GRIK2: variants seen among roughly 807,000 people sequenced by gnomAD.
The protein encoded by GRIK2 is glutamate ionotropic receptor kainate type subunit 2.
Under a neutral mutation model 100.3 loss-of-function variants are expected in GRIK2, and 32 were observed. That is an observed-to-expected ratio of 0.32 (90% confidence interval 0.24 to 0.43). The LOEUF is 0.43. GRIK2 is among the 20% of genes least tolerant of loss of function. The pLI, the probability that GRIK2 is intolerant of heterozygous loss-of-function variation, is 1.00. For missense variants in GRIK2, 843 were observed against 1,114.9 expected (o/e 0.76, Z 3.47); for synonymous variants, 417 against 389.4 (o/e 1.07, Z -0.83).
At chr6:101,710,689 A>T (rs899374408) in intron 7 of GRIK2, among the ~76,000 whole-genome samples, 1 of 151,800 alleles carries the variant, frequency 6.6e-6, no homozygotes, top group Non-Finnish European at 1.5e-5. Flanking sequence ...CACTGTTTCA[A>T]TCCTACAGTT....
chr6:101,573,099 G>T (rs942101840), intron 2 of GRIK2, among the ~76,000 whole-genome samples: 2 of 151,936 alleles, frequency 1.3e-5, no homozygotes, highest in Non-Finnish European at 2.9e-5. Context: ...ACCTTCCTCG[G>T]CCTCCCAAAG....
At chr6:101,586,228 A>G (rs1377581638) in intron 2 of GRIK2, among the ~76,000 whole-genome samples, 1 of 152,046 alleles carries the variant, frequency 6.6e-6, no homozygotes, top group African/African-American at 2.4e-5. Flanking sequence ...TGAGTCTTCC[A>G]TGGAACAGAG....
chr6:101,723,687 T>C (rs1320521492), intron 7 of GRIK2, among the ~76,000 whole-genome samples: 1 of 151,982 alleles, frequency 6.6e-6, no homozygotes, highest in Non-Finnish European at 1.5e-5. Context: ...GAATAAATAG[T>C]AAGTGAAGTC....
intron 2 of GRIK2, among the ~76,000 whole-genome samples, chr6:101,444,073 G>A (rs909663701): frequency 1.5e-5 from 2 of 133,372 alleles, no homozygotes; most frequent in Non-Finnish European, 3.5e-5. Context: ...GGGTTTTTTT[G>A]TTTGTTTGTT....
At chr6:101,683,520 GACCTTTCTTTCTCTGTAAA>G (rs1043938666) in intron 6 of GRIK2, among the ~76,000 whole-genome samples, 5 of 151,984 alleles carry the variant, frequency 3.3e-5, no homozygotes, top group Admixed American at 2.0e-4. Context: ...ACATTATCCT[GACCTTTCTTTCTCTGTAAA>G]ACAGCTGTCT....
At chr6:101,943,240 A>G (rs1791066915) in intron 14 of GRIK2, among the ~76,000 whole-genome samples, 1 of 152,178 alleles carries the variant, frequency 6.6e-6, no homozygotes, top group Non-Finnish European at 1.5e-5. Context: ...GAGGTTTGGA[A>G]TCTTCACCTA....
chr6:101,517,617 T>C (rs747789788), intron 2 of GRIK2, among the ~76,000 whole-genome samples: 53 of 152,148 alleles, frequency 3.5e-4, no homozygotes, highest in Non-Finnish European at 7.2e-4. Context: ...AGAGATATAC[T>C]GTACTTTAAA....
At chr6:101,736,381 G>A (rs935329078) in intron 7 of GRIK2, among the ~76,000 whole-genome samples, 2 of 152,152 alleles carry the variant, frequency 1.3e-5, no homozygotes, top group Non-Finnish European at 2.9e-5. Context: ...GTTTCTCCAC[G>A]AGGGCCCCAT....
At chr6:101,674,269 G>A (rs139349328) in intron 4 of GRIK2, among the ~76,000 whole-genome samples, 84 of 152,244 alleles carry the variant, frequency 5.5e-4, no homozygotes, top group African/African-American at 1.9e-3. Context: ...GTTAAAATAT[G>A]CATGCATGAG....
chr6:101,938,156 G>C (rs1272560340), intron 14 of GRIK2, among the ~76,000 whole-genome samples: 1 of 151,814 alleles, frequency 6.6e-6, no homozygotes, highest in East Asian at 1.9e-4. Flanking sequence ...TGAAGCAAAA[G>C]GAGATTTACT....
chr6:101,799,547 A>C, intron 7 of GRIK2, 101 bp from the exon 8 acceptor site: 1 of 816,496 alleles, frequency 1.2e-6, no homozygotes, highest in Non-Finnish European at 2.1e-6. Flanking sequence ...AAAATGGGAT[A>C]TATATTTCCC....
intron 15 of GRIK2, among the ~76,000 whole-genome samples, chr6:102,045,074 T>A (rs1220236088): frequency 6.6e-6 from 1 of 152,092 alleles, no homozygotes; most frequent in Non-Finnish European, 1.5e-5. Flanking sequence ...TTACCCATAC[T>A]GTCTCACTAT....
At chr6:101,602,653 T>C (rs570248979) in intron 2 of GRIK2, among the ~76,000 whole-genome samples, 1 of 151,732 alleles carries the variant, frequency 6.6e-6, no homozygotes, top group South Asian at 2.1e-4. Flanking sequence ...TTATATGACT[T>C]GCAGAAGGTC....
intron 14 of GRIK2, among the ~76,000 whole-genome samples, chr6:101,938,880 T>C (rs977694074): frequency 2.6e-5 from 4 of 152,064 alleles, no homozygotes; most frequent in African/African-American, 9.6e-5. Flanking sequence ...TTCCTGATAG[T>C]ATTTGAATTA....
At chr6:102,029,472 G>A (rs1333742272) in intron 14 of GRIK2, among the ~76,000 whole-genome samples, 2 of 151,240 alleles carry the variant, frequency 1.3e-5, no homozygotes, top group Middle Eastern at 3.4e-3. Context: ...GATCCTAAGT[G>A]CATTTTTATT....
chr6:102,017,007 T>C (rs1039171177), intron 14 of GRIK2, among the ~76,000 whole-genome samples: 2 of 151,524 alleles, frequency 1.3e-5, no homozygotes, highest in African/African-American at 2.4e-5. Flanking sequence ...CAACCAAGAG[T>C]TCCATATCCA....
Position 101,405,715 on chromosome 6 carries a change from C to A in GRIK2, c.115+6323C>A, listed in dbSNP as rs902206044. Among the ~76,000 whole-genome samples the A allele has an allele frequency of 2.0e-5, 3 of 152,260 alleles. No individual in the cohort carries two copies. The East Asian group carries it at 5.8e-4, about 29-fold the overall frequency. On this transcript the variant is annotated intron_variant, in intron 2 of 16. Transcript: ENST00000369134. Reference sequence around the variant, plus strand: ...CCCCTGAAGAAAGGGTAGATCACTGCTTAACATTGGGAACATTGAAGTACA... The same window carrying A: ...CCCCTGAAGAAAGGGTAGATCACTGATTAACATTGGGAACATTGAAGTACA...
intron 11 of GRIK2, among the ~76,000 whole-genome samples, chr6:101,868,834 G>A (rs1384682282): frequency 6.6e-6 from 1 of 151,746 alleles, no homozygotes; most frequent in Non-Finnish European, 1.5e-5. Flanking sequence ...ATATTCCCAT[G>A]TGGAAAAAAA....
chr6:101,887,167 T>C (rs1786705180), intron 11 of GRIK2, among the ~76,000 whole-genome samples: 1 of 152,044 alleles, frequency 6.6e-6, no homozygotes, highest in Admixed American at 6.6e-5. Flanking sequence ...TTTAATATTC[T>C]ATATAAGAAG....
Sources: allele counts gnomAD v4.1 joint callset (sites outside exome capture counted in the v4.1 genomes callset), GRCh38; gene constraint gnomAD v4.1.1; transcripts MANE v1.5; gene names NCBI Gene and HGNC (gene_info 2026-07-23, HGNC 2026-07-21).